The following RAD51B variants were observed in gnomAD, a reference collection of about 807,000 sequenced individuals.
RAD51B encodes RAD51 paralog B, also known as DNA repair protein RAD51 homolog 2.
RAD51B carries 38 observed loss-of-function variants against 42.2 expected under a neutral mutation model. The observed-to-expected ratio is 0.90, with a 90% CI of 0.70 to 1.18. RAD51B has a LOEUF of 1.18. Ranked by LOEUF, RAD51B falls within the 50% of genes most tolerant of loss-of-function variation. RAD51B has a pLI of 0.00. For missense variants in RAD51B, 373 were observed against 400.7 expected (o/e 0.93, Z 0.59); for synonymous variants, 154 against 145.2 (o/e 1.06, Z -0.43).
chr14:67,992,978 A>G (rs2075320867), intron 7 of RAD51B, among the ~76,000 whole-genome samples: 1 of 152,142 alleles, frequency 6.6e-6, no homozygotes, highest in South Asian at 2.1e-4. Context: ...TCGCTCTGCT[A>G]GGTACTAGGA....
intron 7 of RAD51B, among the ~76,000 whole-genome samples, chr14:68,061,456 C>G (rs72725177): frequency 0.017 from 2,610 of 152,186 alleles, 34 homozygotes; most frequent in Non-Finnish European, 0.024. Context: ...TGAGGGGGAT[C>G]ACACTGAATC....
rs79859774 is a variant in RAD51B at position 67,837,691 on chromosome 14, A to G, written c.315+2495A>G. The stretch of plus-strand genomic sequence containing the variant: ...ATTGATACAATAATTGTATATATTT[A>G]TGGGGTACAGTGTGATATTCTGATA... On this transcript the variant is annotated intron_variant, in intron 4 of 10. Transcript: ENST00000471583. Among the ~76,000 whole-genome samples, 379 of 152,204 alleles carry G rather than the reference A, an allele frequency of 2.5e-3. 9 individuals carry two copies. The East Asian group carries it at 0.06, about 24-fold the overall frequency.
At chr14:68,624,585 C>T (rs75562814) in intron 10 of RAD51B, among the ~76,000 whole-genome samples, 5,276 of 152,198 alleles carry the variant, frequency 0.035, 279 homozygotes, top group African/African-American at 0.12. Context: ...TTGGACCAGG[C>T]AATTACCTGG....
chr14:68,540,907 G>T (rs1156663241), intron 10 of RAD51B: 1 of 985,442 alleles, frequency 1.0e-6, no homozygotes, highest in Non-Finnish European at 1.2e-6. Flanking sequence ...AGGGCCAGAT[G>T]ATGTGAAGTT....
intron 7 of RAD51B, among the ~76,000 whole-genome samples, chr14:68,264,228 CAG>C (rs928929178): frequency 3.3e-5 from 5 of 152,202 alleles, no homozygotes; most frequent in Non-Finnish European, 7.3e-5. Flanking sequence ...AGCTGGTACT[CAG>C]GGGTAGGGTT....
At chr14:68,375,896 G>C (rs1426342940) in intron 8 of RAD51B, among the ~76,000 whole-genome samples, 2 of 152,106 alleles carry the variant, frequency 1.3e-5, no homozygotes, top group Middle Eastern at 3.2e-3. Flanking sequence ...GGGCAGGAGA[G>C]AAGATGATGC....
chr14:67,847,581 G>A lies in RAD51B; in HGVS notation c.315+12385G>A, dbSNP rs149815484. ...CAAGTTGTGTCCTTTCTATATTTGC[G>A]TAGTTTTGAGAGATCTTCTTGATAT... On this transcript the variant is annotated intron_variant, in intron 4 of 10. Coordinates refer to ENST00000471583, the MANE Select transcript of RAD51B (RefSeq NM_133510.4). 1.2e-4 allele frequency among the ~76,000 whole-genome samples: 19 copies of A among 152,136 alleles called. No homozygotes were observed. In the South Asian group the frequency reaches 2.1e-3, roughly 17 times the overall value.
chr14:68,230,352 A>G (rs773926544), intron 7 of RAD51B, among the ~76,000 whole-genome samples: 10 of 152,210 alleles, frequency 6.6e-5, no homozygotes, highest in Non-Finnish European at 1.5e-4. Flanking sequence ...AACAGAAACT[A>G]ATGGTCACGT....
chr14:68,050,476 A>C (rs2076374703), intron 7 of RAD51B, among the ~76,000 whole-genome samples: 1 of 152,144 alleles, frequency 6.6e-6, no homozygotes, highest in Admixed American at 6.5e-5. Flanking sequence ...ATATATTTTC[A>C]TGTAATACAG....
At chr14:68,406,416 G>A (rs549455151) in intron 8 of RAD51B, among the ~76,000 whole-genome samples, 2 of 149,032 alleles carry the variant, frequency 1.3e-5, no homozygotes, top group South Asian at 2.1e-4. Flanking sequence ...GAACACAGTA[G>A]TAAGTATTTG....
At chr14:68,291,569 A>ATTAT (rs1318473582) in intron 7 of RAD51B, among the ~76,000 whole-genome samples, 39 of 152,226 alleles carry the variant, frequency 2.6e-4, no homozygotes, top group African/African-American at 9.4e-4. Flanking sequence ...TTAGCTGCCT[A>ATTAT]TTATTTAACC....
chr14:67,961,216 G>A (rs1019452171), intron 7 of RAD51B, among the ~76,000 whole-genome samples: 6 of 151,920 alleles, frequency 3.9e-5, no homozygotes, highest in African/African-American at 1.5e-4. Flanking sequence ...ATGTTGCCCA[G>A]GCTGGTCTCA....
intron 1 of RAD51B, among the ~76,000 whole-genome samples, chr14:67,822,538 A>G (rs954368355): frequency 6.6e-6 from 1 of 151,836 alleles, no homozygotes; most frequent in Non-Finnish European, 1.5e-5. Flanking sequence ...TTGGGCAGGC[A>G]TGGTGTCGAC....
chr14:68,143,977 T>G (rs1241300473), intron 7 of RAD51B, among the ~76,000 whole-genome samples: 11 of 152,178 alleles, frequency 7.2e-5, no homozygotes, highest in Non-Finnish European at 1.5e-4. Context: ...TTACTCAGCC[T>G]TTTTGTCTGT....
intron 7 of RAD51B, among the ~76,000 whole-genome samples, chr14:68,166,060 G>T (rs952187753): frequency 1.3e-5 from 2 of 151,990 alleles, no homozygotes; most frequent in South Asian, 4.1e-4. Context: ...TGAAAATGAT[G>T]GTGATGATAG....
At chr14:67,857,298 G>T (rs761366999) in intron 4 of RAD51B, among the ~76,000 whole-genome samples, 1 of 152,146 alleles carries the variant, frequency 6.6e-6, no homozygotes, top group Non-Finnish European at 1.5e-5. Context: ...ATGGTTTAAA[G>T]TAAATGCTAC....
At chr14:68,678,988 T>TCCCTGC (rs1272489741) in intron 11 of RAD51B, among the ~76,000 whole-genome samples, 59 of 151,996 alleles carry the variant, frequency 3.9e-4, no homozygotes, top group Admixed American at 2.0e-4. Flanking sequence ...TTCTCCCTCC[T>TCCCTGC]CCCTGCCCCT....
intron 7 of RAD51B, among the ~76,000 whole-genome samples, chr14:68,205,017 TCAGA>T (rs2079558200): frequency 6.6e-6 from 1 of 152,136 alleles, no homozygotes; most frequent in Non-Finnish European, 1.5e-5. Flanking sequence ...AATAAAAAAA[TCAGA>T]CAGGATACAT....
At chr14:68,664,389 A>G (rs1032748541) in intron 11 of RAD51B, among the ~76,000 whole-genome samples, 2 of 152,096 alleles carry the variant, frequency 1.3e-5, no homozygotes, top group Non-Finnish European at 2.9e-5. Flanking sequence ...CCCGCCCACA[A>G]TGATATTCTT....
Sources: allele counts gnomAD v4.1 joint callset (sites outside exome capture counted in the v4.1 genomes callset), GRCh38; gene constraint gnomAD v4.1.1; transcripts MANE v1.5; gene names NCBI Gene and HGNC (gene_info 2026-07-23, HGNC 2026-07-21).